The following HADH variants were observed in gnomAD, a reference collection of about 807,000 sequenced individuals.
HADH encodes hydroxyacyl-coenzyme A dehydrogenase, mitochondrial.
Under a neutral mutation model 32.2 loss-of-function variants are expected in HADH, and 24 were observed. The observed-to-expected ratio is 0.75, with a 90% CI of 0.54 to 1.05. The LOEUF (loss-of-function observed/expected upper bound fraction) is 1.05. HADH is among the 50% of genes least tolerant of loss of function. HADH has a pLI of 0.00. For synonymous variants in HADH, 139 were observed against 152.5 expected (o/e 0.91, Z 0.65); for missense variants, 350 against 397.1 (o/e 0.88, Z 1.01).
chr4:108,018,968 T>G (rs1387007876), intron 3 of HADH, among the ~76,000 whole-genome samples: 2 of 152,242 alleles, frequency 1.3e-5, no homozygotes, highest in Admixed American at 6.5e-5. Flanking sequence ...CATGTAACCT[T>G]AAAATTTTTT....
intron 1 of HADH, among the ~76,000 whole-genome samples, chr4:107,996,706 C>T (rs1306517836): frequency 6.6e-6 from 1 of 152,094 alleles, no homozygotes; most frequent in African/African-American, 2.4e-5. Context: ...CTAGCCTGGC[C>T]AACAAAGTTA....
intron 3 of HADH, among the ~76,000 whole-genome samples, chr4:108,018,389 A>C (rs1210913143): frequency 6.6e-6 from 1 of 152,126 alleles, no homozygotes; most frequent in Non-Finnish European, 1.5e-5. Context: ...AAAAGCAAGA[A>C]ACTTTGAAAA....
At chr4:108,015,068 T>G (rs1328045379) in intron 3 of HADH, among the ~76,000 whole-genome samples, 1 of 152,240 alleles carries the variant, frequency 6.6e-6, no homozygotes, top group Non-Finnish European at 1.5e-5. Flanking sequence ...TCTTTGCTAT[T>G]GTGAATAGTG....
chr4:108,009,979 T>TTC (rs1308180669), intron 2 of HADH, 92 bp downstream of exon 2: 170 of 722,678 alleles, frequency 2.4e-4, no homozygotes, highest in Non-Finnish European at 2.9e-4. Flanking sequence ...CTTTCTTTCT[T>TTC]TTTTTTTTTT....
In HADH at chr4:108,012,060, TA is replaced by T. The variant is rs1005514273; in HGVS notation, c.261+2183del. ...ATGTGAGCCACCACACCCAGCTAAT[TA>T]AAAAAAAAATTTTTTTTTAGAGACA... On this transcript the variant is annotated intron_variant, in intron 2 of 7. Transcript: ENST00000309522. Among the ~76,000 whole-genome samples the T allele has an allele frequency of 7.8e-4, 118 of 151,240 alleles. 4 individuals carry two copies. The East Asian group carries it at 0.021, about 27-fold the overall frequency.
chr4:108,008,240 C>T (rs1169986229), intron 1 of HADH, among the ~76,000 whole-genome samples: 1 of 152,172 alleles, frequency 6.6e-6, no homozygotes, highest in Non-Finnish European at 1.5e-5. Flanking sequence ...TTGCCTCTGT[C>T]CTTGTATCAA....
At chr4:108,014,312 G>T in intron 2 of HADH, 119 bp from the exon 3 acceptor site, 1 of 1,023,658 alleles carries the variant, frequency 9.8e-7, no homozygotes, top group East Asian at 2.4e-5. Flanking sequence ...AGAACAGATA[G>T]GGTAGGCCAA....
chr4:108,022,461 G>A (rs376522), intron 4 of HADH, among the ~76,000 whole-genome samples: 5 of 151,986 alleles, frequency 3.3e-5, no homozygotes, highest in African/African-American at 1.2e-4. Flanking sequence ...CAGGTGGCAG[G>A]CCCCGCTTGC....
At chr4:107,992,635 C>A (rs1007238353) in intron 1 of HADH, among the ~76,000 whole-genome samples, 1 of 152,134 alleles carries the variant, frequency 6.6e-6, no homozygotes, top group African/African-American at 2.4e-5. Context: ...GGGACTTTAC[C>A]TCTGTGTCTC....
At chr4:107,992,195 A>G (rs1734836590) in intron 1 of HADH, among the ~76,000 whole-genome samples, 1 of 152,204 alleles carries the variant, frequency 6.6e-6, no homozygotes, top group African/African-American at 2.4e-5. Context: ...TTTGAAACTT[A>G]AGGGAAAAAA....
intron 3 of HADH, among the ~76,000 whole-genome samples, chr4:108,016,495 A>G (rs778165297): frequency 2.4e-4 from 37 of 152,154 alleles, no homozygotes; most frequent in Non-Finnish European, 4.0e-4. Flanking sequence ...AACAGAATAT[A>G]CTTGTGGTAC....
intron 1 of HADH, among the ~76,000 whole-genome samples, chr4:107,992,884 G>A (rs1734854587): frequency 6.6e-6 from 1 of 152,162 alleles, no homozygotes; most frequent in Admixed American, 6.5e-5. Context: ...GGAGGCTGAG[G>A]GGGGCAGATC....
intron 1 of HADH, among the ~76,000 whole-genome samples, chr4:107,993,250 G>A (rs1430697240): frequency 6.6e-6 from 1 of 152,154 alleles, no homozygotes; most frequent in Admixed American, 6.5e-5. Context: ...GGAGAATATT[G>A]GTCATGATTC....
chr4:108,019,254 G>A (rs567393157), intron 3 of HADH, among the ~76,000 whole-genome samples: 1 of 152,166 alleles, frequency 6.6e-6, no homozygotes, highest in Non-Finnish European at 1.5e-5. Flanking sequence ...AATACAAGTA[G>A]GTAGGGGAAA....
intron 1 of HADH, among the ~76,000 whole-genome samples, chr4:107,991,537 C>T (rs1240692571): frequency 6.6e-6 from 1 of 150,986 alleles, no homozygotes; most frequent in Non-Finnish European, 1.5e-5. Flanking sequence ...TGACTTCTTA[C>T]AGTCTCCCAT....
At chr4:107,999,468 A>G (rs1387397601) in intron 1 of HADH, among the ~76,000 whole-genome samples, 7 of 152,320 alleles carry the variant, frequency 4.6e-5, no homozygotes. Context: ...GACTCTGGCT[A>G]TTAGCTCCTT....
intron 2 of HADH, among the ~76,000 whole-genome samples, chr4:108,014,103 G>A (rs1735607496): frequency 1.3e-5 from 2 of 152,116 alleles, no homozygotes; most frequent in African/African-American, 4.8e-5. Flanking sequence ...AGCTTGTTTC[G>A]GAAACAACAG....
At chr4:108,016,278 C>T (rs1395503134) in intron 3 of HADH, among the ~76,000 whole-genome samples, 5 of 152,166 alleles carry the variant, frequency 3.3e-5, no homozygotes, top group African/African-American at 9.7e-5. Context: ...TCTCAGGGCA[C>T]TTCCGGTGGG....
chr4:107,994,660 G>T (rs866470199), intron 1 of HADH, among the ~76,000 whole-genome samples: 10 of 152,136 alleles, frequency 6.6e-5, no homozygotes, highest in African/African-American at 2.4e-4. Context: ...TGTTCCTTAT[G>T]GAGGGAATAT....
Sources: gnomAD v4.1 joint callset for allele counts (sites outside exome capture counted in the v4.1 genomes callset) on GRCh38, gnomAD v4.1.1 for gene constraint, MANE v1.5 for transcripts, NCBI Gene and HGNC (gene_info 2026-07-23, HGNC 2026-07-21) for gene names.